Variants in SYT16 observed in about 807,000 individuals in gnomAD.
SYT16 encodes synaptotagmin-16.
Under a neutral mutation model 61.4 loss-of-function variants are expected in SYT16, and 42 were observed. The ratio of observed to expected loss-of-function variants is 0.68; its 90% confidence interval spans 0.53 to 0.89. The LOEUF (loss-of-function observed/expected upper bound fraction) is 0.89, where lower values mean the gene tolerates loss of function less well. SYT16 is among the 40% of genes least tolerant of loss of function. SYT16 has a pLI of 0.00. For missense variants in SYT16, 804 were observed against 807.3 expected, an observed-to-expected ratio of 1.00 and a Z score of 0.05; for synonymous variants, 314 against 302.3, an observed-to-expected ratio of 1.04 and a Z score of -0.40.
chr14:61,997,935 G>C (rs189526575), intron 3 of SYT16, among the ~76,000 whole-genome samples: 18 of 152,028 alleles, frequency 1.2e-4, no homozygotes, highest in Non-Finnish European at 1.5e-4. Context: ...AGGAAGTCAG[G>C]GACCATGCCA....
intron 1 of SYT16, among the ~76,000 whole-genome samples, chr14:61,854,437 C>T (rs987023401): frequency 2.6e-5 from 4 of 152,224 alleles, no homozygotes; most frequent in Non-Finnish European, 4.4e-5. Context: ...CACACGCGCG[C>T]ACGCGCGTGC....
intron 3 of SYT16, among the ~76,000 whole-genome samples, chr14:61,997,844 A>C (rs369657621): frequency 6.6e-5 from 10 of 152,128 alleles, no homozygotes; most frequent in South Asian, 2.1e-4. Context: ...TAATTTTTGT[A>C]ATTGTAAAAT....
intron 7 of SYT16, among the ~76,000 whole-genome samples, 200 bp downstream of exon 7, chr14:62,084,585 G>A (rs1263005979): frequency 6.6e-6 from 1 of 152,128 alleles, no homozygotes; most frequent in East Asian, 1.9e-4. Flanking sequence ...GATGTTTCTG[G>A]ACATGAAATA....
At chr14:61,891,541 A>G (rs1018412867) in intron 1 of SYT16, among the ~76,000 whole-genome samples, 2 of 152,224 alleles carry the variant, frequency 1.3e-5, no homozygotes, top group African/African-American at 4.8e-5. Flanking sequence ...TGAGAGGACA[A>G]GTAGGGCTGG....
At chr14:62,093,972 C>T (rs1347691506) in intron 7 of SYT16, among the ~76,000 whole-genome samples, 26 of 152,050 alleles carry the variant, frequency 1.7e-4, no homozygotes, top group Admixed American at 6.6e-5. Context: ...AGGCACTCCC[C>T]GTTTACTGAG....
At chr14:62,072,071 C>G (rs900404858) in intron 4 of SYT16, among the ~76,000 whole-genome samples, 8 of 152,114 alleles carry the variant, frequency 5.3e-5, no homozygotes, top group African/African-American at 1.4e-4. Context: ...GGATTGGAGG[C>G]CTGTATGCAA....
At chr14:61,865,248 C>T (rs2047109883) in intron 1 of SYT16, 3 of 892,536 alleles carry the variant, frequency 3.4e-6, no homozygotes, top group Non-Finnish European at 3.7e-6. Flanking sequence ...GACATCAGGC[C>T]TAAGATGGAG....
At chr14:61,913,704 T>TG (rs149203556) in intron 1 of SYT16, among the ~76,000 whole-genome samples, 1 of 145,758 alleles carries the variant, frequency 6.9e-6, no homozygotes, top group African/African-American at 2.6e-5. Context: ...CTTTGGGTCT[T>TG]TGTGTGTGTG....
At chr14:62,006,748 A>G (rs1191983746) in intron 3 of SYT16, among the ~76,000 whole-genome samples, 1 of 152,154 alleles carries the variant, frequency 6.6e-6, no homozygotes, top group Non-Finnish European at 1.5e-5. Context: ...GACACCTTTG[A>G]TATGTGATGG....
intron 2 of SYT16, among the ~76,000 whole-genome samples, chr14:61,994,424 G>A (rs756522838): frequency 1.2e-4 from 19 of 152,128 alleles, no homozygotes; most frequent in Non-Finnish European, 2.5e-4. Flanking sequence ...AGCTCACTAG[G>A]TGTTTCTGAC....
chr14:61,881,440 C>A (rs1490712747), intron 1 of SYT16, among the ~76,000 whole-genome samples: 9 of 152,222 alleles, frequency 5.9e-5, no homozygotes, highest in African/African-American at 2.2e-4. Flanking sequence ...TGTCATGATA[C>A]CAGTGTCATC....
intron 1 of SYT16, among the ~76,000 whole-genome samples, chr14:61,817,066 G>A (rs897129528): frequency 1.3e-5 from 2 of 151,154 alleles, no homozygotes; most frequent in African/African-American, 4.9e-5. Flanking sequence ...TTATTAATTG[G>A]AAAATGGGGG....
At chr14:61,887,655 A>T (rs980816791) in intron 1 of SYT16, among the ~76,000 whole-genome samples, 1 of 152,184 alleles carries the variant, frequency 6.6e-6, no homozygotes, top group Non-Finnish European at 1.5e-5. Context: ...TATATTATGG[A>T]GATGGCTTCT....
chr14:61,898,725 G>A (rs1482771212), intron 1 of SYT16, among the ~76,000 whole-genome samples: 1 of 152,156 alleles, frequency 6.6e-6, no homozygotes, highest in Non-Finnish European at 1.5e-5. Flanking sequence ...ATGTGTGTTG[G>A]AAAGATATGA....
At chr14:62,046,825 GT>G (rs2055011561) in intron 3 of SYT16, among the ~76,000 whole-genome samples, 1 of 152,072 alleles carries the variant, frequency 6.6e-6, no homozygotes, top group South Asian at 2.1e-4. Context: ...CTCTGTTTTG[GT>G]ACCAGTACCA....
At chr14:62,041,181 C>A (rs551969602) in intron 3 of SYT16, among the ~76,000 whole-genome samples, 2 of 152,246 alleles carry the variant, frequency 1.3e-5, no homozygotes, top group African/African-American at 4.8e-5. Flanking sequence ...TGTGCCCACC[C>A]AGATTAACAG....
At chr14:61,997,629 T>C (rs988877312) in intron 3 of SYT16, among the ~76,000 whole-genome samples, 6 of 152,086 alleles carry the variant, frequency 3.9e-5, no homozygotes, top group Non-Finnish European at 8.8e-5. Context: ...TGAGGTAGGC[T>C]GATATTCTTT....
intron 3 of SYT16, among the ~76,000 whole-genome samples, chr14:61,997,303 G>T (rs1260924750): frequency 6.6e-6 from 1 of 152,022 alleles, no homozygotes; most frequent in African/African-American, 2.4e-5. Flanking sequence ...GAAGGGATTT[G>T]GGTATGTGTG....
At chr14:62,034,861 A>T (rs900031757) in intron 3 of SYT16, among the ~76,000 whole-genome samples, 1 of 152,178 alleles carries the variant, frequency 6.6e-6, no homozygotes, top group African/African-American at 2.4e-5. Flanking sequence ...ATGTGATTAT[A>T]TATCAATAAA....
Sources: allele counts gnomAD v4.1 joint callset (sites outside exome capture counted in the v4.1 genomes callset), GRCh38; gene constraint gnomAD v4.1.1; transcripts MANE v1.5; gene names NCBI Gene and HGNC (gene_info 2026-07-23, HGNC 2026-07-21).